TSKS: variants seen among roughly 807,000 people sequenced by gnomAD.
TSKS encodes the protein testis specific serine kinase substrate.
TSKS carries 27 observed loss-of-function variants against 68.0 expected under a neutral mutation model. The observed-to-expected ratio is 0.40, with a 90% CI of 0.29 to 0.55. The LOEUF is 0.55. Ranked by LOEUF, TSKS falls within the 20% of genes least tolerant of loss-of-function variation. The pLI is 0.53. For missense variants in TSKS, 806 were observed against 776.0 expected (o/e 1.04, Z -0.46); for synonymous variants, 331 against 340.4 (o/e 0.97, Z 0.30).
chr19:49,761,491 C>T (rs2084439830), intron 2 of TSKS, among the ~76,000 whole-genome samples: 1 of 152,202 alleles, frequency 6.6e-6, no homozygotes. Context: ...GGAAGCTTTC[C>T]CTGGTACCCC....
chr19:49,749,669 G>T (rs1408671423), intron 2 of TSKS, among the ~76,000 whole-genome samples: 1 of 152,122 alleles, frequency 6.6e-6, no homozygotes, highest in African/African-American at 2.4e-5. Context: ...ACCCTGGCTG[G>T]TGTGGAGCGG....
In TSKS at chr19:49,746,774, G is replaced by C. The variant is rs1484579051; in HGVS notation, c.688C>G (p.Gln230Glu). 11 of 1,600,350 alleles carry C rather than the reference G, an allele frequency of 6.9e-6. No homozygotes were observed. The highest frequency in any genetic ancestry group is 1.7e-4 in the Middle Eastern group (1 of 5,786). The change falls in exon 6 of 11, where the codon CAG becomes GAG. Residue 230 changes from glutamine to glutamate, a missense_variant. Gln to Glu is a conservative substitution (Grantham distance 29). Transcript: ENST00000246801. ...LEEKLRYLQQ[Q>E]LQDETPRRQE... The stretch of plus-strand genomic sequence containing the variant: ...CGTCGCGGCGTCTCATCCTGCAGCT[G>C]CTGCTGGAGGTAGCGCAGCTTCTCC...
rs762217833 is a variant in TSKS at position 49,746,542 on chromosome 19, G to A, written c.920C>T (p.Pro307Leu). 1.3e-5 allele frequency: 21 copies of A among 1,613,558 alleles called. No homozygotes were observed. The highest frequency in any genetic ancestry group is 5.5e-5 in the South Asian group (5 of 91,082). Reference protein sequence around the residue: ...GLVPAGWGMGPRAGEGPYVSE... With the variant: ...GLVPAGWGMGLRAGEGPYVSE... ...CACGTAGGGGCCCTCGCCAGCCCGA[G>A]GCCCCATTCCCCAGCCTGCGGGGAC... The change falls in exon 6 of 11, where the codon CCT (proline) becomes CTT (leucine). Residue 307 changes from proline (P) to leucine (L), a missense_variant. Coordinates refer to ENST00000246801, the MANE Select transcript of TSKS (RefSeq NM_021733.2).
At chr19:49,742,386 C>T (rs977633024) in intron 8 of TSKS, among the ~76,000 whole-genome samples, 2 of 151,920 alleles carry the variant, frequency 1.3e-5, no homozygotes, top group Non-Finnish European at 2.9e-5. Context: ...TTAGTAGAGA[C>T]GGGGTTTCAC....
At chr19:49,762,486 C>T (rs1454529164) in intron 1 of TSKS, among the ~76,000 whole-genome samples, 2 of 149,004 alleles carry the variant, frequency 1.3e-5, no homozygotes, top group East Asian at 2.0e-4. Flanking sequence ...TGCAGTGGCG[C>T]GATCTCAGCT....
At chr19:49,759,290 G>A (rs2084419734) in intron 2 of TSKS, among the ~76,000 whole-genome samples, 1 of 151,412 alleles carries the variant, frequency 6.6e-6, no homozygotes, top group Admixed American at 6.6e-5. Flanking sequence ...CCAACATGGT[G>A]AAACCCCGTC....
In TSKS at chr19:49,758,642, C is replaced by T. The variant is rs569963253; in HGVS notation, c.399+3362G>A. ...CTTTGCCCTGTTCTCTGCAGCTCCT[C>T]CTCCTTCCCTGGACCCTCGCCCAGG... On this transcript the variant is annotated intron_variant, in intron 2 of 10. Transcript: ENST00000246801. Among the ~76,000 whole-genome samples, 243 of 152,268 alleles carry T rather than the reference C, an allele frequency of 1.6e-3. 2 individuals carry two copies. Among genetic ancestry groups the T allele is most frequent in the African/African-American group, 4.6e-3 (190 of 41,550 alleles).
intron 6 of TSKS, among the ~76,000 whole-genome samples, chr19:49,746,180 T>C (rs2084297430): frequency 6.7e-6 from 1 of 149,156 alleles, no homozygotes; most frequent in Non-Finnish European, 1.5e-5. Flanking sequence ...AGACTCCGCC[T>C]CAAAAAAAAC....
chr19:49,751,291 G>C (rs1158803894), intron 2 of TSKS, among the ~76,000 whole-genome samples: 2 of 99,136 alleles, frequency 2.0e-5, no homozygotes, highest in Non-Finnish European at 3.6e-5. Context: ...GCGACAACGA[G>C]ATTCCATCTC....
intron 2 of TSKS, among the ~76,000 whole-genome samples, chr19:49,761,172 G>A (rs2084437468): frequency 6.6e-6 from 1 of 152,124 alleles, no homozygotes; most frequent in Non-Finnish European, 1.5e-5. Context: ...GGAAACCAGG[G>A]CTCCCTGAAC....
At chr19:49,749,888 G>T (rs192886232) in intron 2 of TSKS, among the ~76,000 whole-genome samples, 3,245 of 152,060 alleles carry the variant, frequency 0.021, 61 homozygotes, top group South Asian at 0.069. Context: ...GGTCTTACAA[G>T]CATGAGCCAC....
In TSKS at chr19:49,744,404, C is replaced by G. The variant is rs773349286; in HGVS notation, c.1188G>C (p.Met396Ile). The change falls in exon 8 of 11, where the codon ATG becomes ATC. Residue 396 changes from methionine (M) to isoleucine (I), a missense_variant and splice_region_variant. Coordinates refer to ENST00000246801, the MANE Select transcript of TSKS (RefSeq NM_021733.2). ...CCACAGACACTGCTGACCGCTCCAC[C>G]CTGAGGCATGAGTAACCAGTGCTGC... ...LRGRADELCTMVERSAVSVAS... is the reference protein window; with the variant it reads ...LRGRADELCTIVERSAVSVAS... The G allele has an allele frequency of 6.2e-7, 1 of 1,612,000 alleles. No individual in the cohort carries two copies.
In TSKS at chr19:49,748,165, C is replaced by T. The variant is rs34701020; in HGVS notation, c.499G>A (p.Glu167Lys). Reference protein sequence around the residue: ...VNQHVQSLQSECSVLSENLER... With the variant: ...VNQHVQSLQSKCSVLSENLER... ...AGATTCTCGCTCAGCACAGAACACT[C>T]GCTCTGGAGCATGGAAGGAGGAGAG... Residue 167 changes from glutamate to lysine, a missense_variant, in exon 4 of 11, where the codon GAG (glutamate) becomes AAG (lysine). Coordinates refer to ENST00000246801, the MANE Select transcript of TSKS (RefSeq NM_021733.2). The T allele has an allele frequency of 0.029, 47,217 of 1,613,980 alleles. 953 individuals are homozygous for T. Among genetic ancestry groups the T allele is most frequent in the South Asian group, 0.07 (6,390 of 91,080 alleles).
rs562399878 is a variant in TSKS at position 49,762,115 on chromosome 19, C to G, written c.288G>C (p.Thr96=). 9 of 1,613,980 alleles carry G rather than the reference C, an allele frequency of 5.6e-6. No individual in the cohort carries two copies. The highest frequency in any genetic ancestry group is 1.3e-5 in the African/African-American group (1 of 74,912). The change falls in exon 2 of 11, where the codon ACG becomes ACC. Residue 96 remains threonine, a synonymous_variant. Coordinates refer to ENST00000246801, the MANE Select transcript of TSKS (RefSeq NM_021733.2). ...NLAAMEPTDS[T]GTDSTVEDLS... ...GGTCTTCCACTGTGGAGTCTGTCCCCGTGGAGTCAGTGGGCTCCATGGCGG... is the reference window on the plus strand; with the variant it reads ...GGTCTTCCACTGTGGAGTCTGTCCCGGTGGAGTCAGTGGGCTCCATGGCGG...
At chr19:49,743,895 C>G (rs765038964) in intron 8 of TSKS, among the ~76,000 whole-genome samples, 1 of 151,638 alleles carries the variant, frequency 6.6e-6, no homozygotes, top group African/African-American at 2.4e-5. Context: ...TTAGTAGATA[C>G]GGGGTTTCAC....
intron 5 of TSKS, chr19:49,747,065 G>T: frequency 1.4e-6 from 2 of 1,403,222 alleles, no homozygotes; most frequent in Non-Finnish European, 1.9e-6. Flanking sequence ...ACCAGTCCCG[G>T]CCACTTGGCA....
chr19:49,748,015 CCT>C lies in TSKS; in HGVS notation c.579+68_579+69del. ...TGAGCCACTGCACCCAGCCTCCTCC[CCT>C]CTTTCTCCCACCCTCTTCTTACTCC... is the stretch of plus-strand genomic sequence containing the variant. On this transcript the variant is annotated intron_variant, in intron 4 of 10. Coordinates refer to ENST00000246801, the MANE Select transcript of TSKS (RefSeq NM_021733.2). The C allele has an allele frequency of 8.8e-6, 13 of 1,471,652 alleles. No homozygotes were observed. In the South Asian group the frequency reaches 1.0e-4, roughly 12 times the overall value. 91.2% of individuals were successfully genotyped at this position (1,471,652 alleles called of 1,614,324 possible). A position where few individuals can be genotyped will look rare whatever the true frequency, so the allele number is the denominator to read the frequency against.
chr19:49,750,633 C>T (rs1277439145), intron 2 of TSKS, among the ~76,000 whole-genome samples: 1 of 152,094 alleles, frequency 6.6e-6, no homozygotes, highest in African/African-American at 2.4e-5. Context: ...ATGACCAGTT[C>T]CAGCCGATGG....
chr19:49,747,027 G>T, intron 5 of TSKS: 1 of 1,244,496 alleles, frequency 8.0e-7, no homozygotes. Flanking sequence ...GTATCCACCC[G>T]GCCCTCCAAG....
Sources: allele counts gnomAD v4.1 joint callset (sites outside exome capture counted in the v4.1 genomes callset), GRCh38; gene constraint gnomAD v4.1.1; transcripts MANE v1.5; gene names NCBI Gene and HGNC (gene_info 2026-07-23, HGNC 2026-07-21).